C7: variants seen among roughly 807,000 people sequenced by gnomAD.
C7 encodes the protein complement C7.
A neutral mutation model predicts 104.8 loss-of-function variants in C7; 83 were observed. That is an observed-to-expected ratio of 0.79 (90% CI 0.66 to 0.95). The LOEUF (loss-of-function observed/expected upper bound fraction) is 0.95. Ranked by LOEUF, C7 falls within the 40% of genes least tolerant of loss-of-function variation. The pLI is 0.00. For missense variants in C7, 1,070 were observed against 1,011.2 expected (o/e 1.06, Z -0.79); for synonymous variants, 415 against 360.6 (o/e 1.15, Z -1.71).
chr5:40,958,695 T>G (rs1351512039), intron 11 of C7, among the ~76,000 whole-genome samples: 1 of 152,234 alleles, frequency 6.6e-6, no homozygotes, highest in Non-Finnish European at 1.5e-5. Context: ...ACATCTGCTG[T>G]GTGCTCTACG....
intron 15 of C7, among the ~76,000 whole-genome samples, chr5:40,974,669 C>T (rs577254487): frequency 1.3e-5 from 2 of 152,138 alleles, no homozygotes; most frequent in Non-Finnish European, 2.9e-5. Context: ...CCGCCCGCCT[C>T]GGCCTCCCAA....
In C7 at chr5:40,955,402, T is replaced by A; in HGVS notation, c.1109T>A (p.Val370Glu). ...TTCTGTATAGGAACCCAGAACAATG[T>A]ATTGCGAGGAGAACCGTTCATCAGA... is the stretch of plus-strand genomic sequence containing the variant. ...LKAASGTQNN[V>E]LRGEPFIRGG... The change falls in exon 10 of 18, where the codon GTA (valine) becomes GAA (glutamate). Residue 370 changes from valine (V) to glutamate (E), a missense_variant. Val to Glu is a moderately radical substitution (Grantham distance 121, BLOSUM62 -2). Coordinates refer to ENST00000313164, the MANE Select transcript of C7 (RefSeq NM_000587.4). 1 of 1,608,788 alleles carries A rather than the reference T, an allele frequency of 6.2e-7. No individual in the cohort carries two copies. The highest frequency in any genetic ancestry group is 8.5e-7 in the Non-Finnish European group (1 of 1,178,018).
intron 15 of C7, among the ~76,000 whole-genome samples, chr5:40,973,327 A>T (rs1204127152): frequency 6.6e-6 from 1 of 152,210 alleles, no homozygotes; most frequent in African/African-American, 2.4e-5. Flanking sequence ...TGTAACAAAA[A>T]TGAGAATGAA....
intron 3 of C7, 123 bp downstream of exon 3, chr5:40,931,262 T>C: frequency 1.4e-6 from 1 of 694,130 alleles, no homozygotes; most frequent in Non-Finnish European, 2.5e-6. Context: ...ACTATGTTTG[T>C]AATTTTGAGG....
intron 9 of C7, among the ~76,000 whole-genome samples, chr5:40,950,578 T>C (rs1740147439): frequency 6.6e-6 from 1 of 152,238 alleles, no homozygotes; most frequent in Non-Finnish European, 1.5e-5. Flanking sequence ...GGGGTTCTGC[T>C]TTGTGTTTTA....
chr5:40,915,315 G>T (rs1187087608), intron 1 of C7, among the ~76,000 whole-genome samples: 1 of 152,156 alleles, frequency 6.6e-6, no homozygotes, highest in Admixed American at 6.5e-5. Context: ...AGCTTGGGGA[G>T]GTGGGGAAGA....
In C7 at chr5:40,955,559, T is replaced by C; in HGVS notation, c.1260+6T>C. Reference sequence around the variant, plus strand: ...CTCAAGTCATAAAACAAAAGGTATGTCAGGCTTTGTTTAAAGCAATAGGAA... The same window carrying C: ...CTCAAGTCATAAAACAAAAGGTATGCCAGGCTTTGTTTAAAGCAATAGGAA... On this transcript the variant is annotated splice_donor_region_variant and intron_variant, in intron 10 of 17. Transcript: ENST00000313164. 1 of 1,609,238 alleles carries C rather than the reference T, an allele frequency of 6.2e-7. No homozygotes were observed. The highest frequency in any genetic ancestry group is 8.5e-7 in the Non-Finnish European group (1 of 1,177,780).
At chr5:40,934,544 G>C in intron 4 of C7, 78 bp downstream of exon 4, 1 of 1,414,842 alleles carries the variant, frequency 7.1e-7, no homozygotes. Flanking sequence ...TTATATATTT[G>C]TTAAATTTTA....
chr5:40,982,984 A>T lies in C7; in HGVS notation c.*1411A>T, dbSNP rs2111741325. 1 of 152,368 alleles carries T rather than the reference A, an allele frequency of 6.6e-6. No individual in the cohort carries two copies. The highest frequency in any genetic ancestry group is 1.9e-4 in the East Asian group (1 of 5,330). The allele number at this position is 152,368 out of a possible 1,614,324, so 9.4% of individuals were successfully genotyped here. The stretch of plus-strand genomic sequence containing the variant: ...TTTCATTTTAGAGAAGATTTTCATG[A>T]TGAATGGTTAATGTGTTCTTGCCTG... On this transcript the variant is annotated 3_prime_UTR_variant, in exon 18 of 18. Transcript: ENST00000313164.
At chr5:40,909,670 G>T in intron 1 of C7, 54 bp downstream of exon 1, 2 of 1,332,822 alleles carry the variant, frequency 1.5e-6, no homozygotes, top group East Asian at 2.4e-5. Flanking sequence ...TCAAATGAAC[G>T]GGGGTAATAT....
At chr5:40,967,037 A>C (rs1452019444) in intron 14 of C7, among the ~76,000 whole-genome samples, 1 of 151,526 alleles carries the variant, frequency 6.6e-6, no homozygotes, top group Non-Finnish European at 1.5e-5. Context: ...CGACTGATGA[A>C]ATGTCTGTCT....
intron 5 of C7, 125 bp downstream of exon 5, chr5:40,936,610 C>A: frequency 1.2e-6 from 1 of 826,078 alleles, no homozygotes; most frequent in Non-Finnish European, 1.9e-6. Flanking sequence ...TGGCTCAGAG[C>A]TCTTTGCCAC....
intron 16 of C7, 103 bp downstream of exon 16, chr5:40,976,943 A>G: frequency 2.3e-6 from 2 of 869,510 alleles, no homozygotes; most frequent in Non-Finnish European, 3.5e-6. Context: ...GCTTACCAAG[A>G]GTTAAGGGTC....
In C7 at chr5:40,976,088, T is replaced by C. The variant is rs113504082; in HGVS notation, c.2075-662T>C. 1.5e-3 allele frequency among the ~76,000 whole-genome samples: 226 copies of C among 152,358 alleles called. 1 individual carries two copies. The highest frequency in any genetic ancestry group is 5.2e-3 in the African/African-American group (216 of 41,594). ...AAATGATGACTGAATTGTCAGTTTC[T>C]ATAAAACACAAAGTTATAGAAAGAA... On this transcript the variant is annotated intron_variant, in intron 15 of 17. Transcript: ENST00000313164.
At position 40,972,450 on chromosome 5, in the gene C7, C is replaced by T; in HGVS notation, c.1930C>T (p.Pro644Ser). 6.2e-7 allele frequency: 1 copy of T among 1,613,774 alleles called. No homozygotes were observed. Among genetic ancestry groups the T allele is most frequent in the Non-Finnish European group, 8.5e-7 (1 of 1,179,792 alleles). Residue 644 changes from proline (P) to serine (S), a missense_variant, in exon 15 of 18, where the codon CCC (proline) becomes TCC (serine). Pro to Ser is a moderately conservative substitution (Grantham distance 74). Coordinates refer to ENST00000313164, the MANE Select transcript of C7 (RefSeq NM_000587.4). ...PVLMDGIQSHPQKPFYTVGEK... is the reference protein window; with the variant it reads ...PVLMDGIQSHSQKPFYTVGEK... ...ACTGATGGATGGCATACAGAGTCAC[C>T]CCCAAAAACCTTTCTACACAGTTGG...
chr5:40,974,664 C>T (rs926861060), intron 15 of C7, among the ~76,000 whole-genome samples: 12 of 152,098 alleles, frequency 7.9e-5, no homozygotes, highest in African/African-American at 1.9e-4. Context: ...ATGATCCGCC[C>T]GCCTCGGCCT....
chr5:40,936,711 T>C (rs1739825448), intron 5 of C7, among the ~76,000 whole-genome samples: 1 of 151,994 alleles, frequency 6.6e-6, no homozygotes, highest in Admixed American at 6.6e-5. Context: ...TGGTCCTAGT[T>C]TTAGCGCTGA....
At chr5:40,927,400 A>G (rs367687276) in intron 1 of C7, among the ~76,000 whole-genome samples, 1 of 152,152 alleles carries the variant, frequency 6.6e-6, no homozygotes, top group African/African-American at 2.4e-5. Flanking sequence ...AAATGGGATT[A>G]CAACAAACTG....
At chr5:40,923,668 C>T (rs1159527467) in intron 1 of C7, among the ~76,000 whole-genome samples, 1 of 151,840 alleles carries the variant, frequency 6.6e-6, no homozygotes, top group African/African-American at 2.4e-5. Flanking sequence ...ATCACTTGAA[C>T]CCAGGGGGTG....
Sources: allele counts gnomAD v4.1 joint callset (sites outside exome capture counted in the v4.1 genomes callset), GRCh38; gene constraint gnomAD v4.1.1; transcripts MANE v1.5; gene names NCBI Gene and HGNC (gene_info 2026-07-23, HGNC 2026-07-21).